GBE1: variants seen among roughly 807,000 people sequenced by gnomAD.
GBE1 encodes 1,4-alpha-glucan branching enzyme 1.
In GBE1, 70 loss-of-function variants were observed where a neutral mutation model predicts 88.8. The ratio of observed to expected loss-of-function variants is 0.79; its 90% confidence interval spans 0.65 to 0.96. The LOEUF is 0.96. GBE1 is among the 40% of genes least tolerant of loss of function. The pLI, the probability that GBE1 is intolerant of heterozygous loss-of-function variation, is 0.00. For synonymous variants in GBE1, 284 were observed against 300.1 expected, an observed-to-expected ratio of 0.95 and a Z score of 0.56; for missense variants, 872 against 871.0, an observed-to-expected ratio of 1.00 and a Z score of -0.01.
At chr3:81,546,578 A>G (rs1448028596) in intron 12 of GBE1, among the ~76,000 whole-genome samples, 1 of 151,446 alleles carries the variant, frequency 6.6e-6, no homozygotes, top group South Asian at 2.1e-4. Context: ...AAAACCCACC[A>G]AAACCAACAT....
At chr3:81,660,349 T>C (rs900252377) in intron 3 of GBE1, among the ~76,000 whole-genome samples, 1 of 152,178 alleles carries the variant, frequency 6.6e-6, no homozygotes, top group African/African-American at 2.4e-5. Flanking sequence ...CTTGTTCAGA[T>C]ATATCTAAAT....
chr3:81,579,929 C>G (rs555271033), intron 11 of GBE1, among the ~76,000 whole-genome samples: 7 of 152,266 alleles, frequency 4.6e-5, no homozygotes, highest in Admixed American at 1.3e-4. Flanking sequence ...GTAAACAAAT[C>G]AGCATGGCTG....
In GBE1 at chr3:81,490,343, G is replaced by A; in HGVS notation, c.*64C>T. The A allele has an allele frequency of 8.0e-7, 1 of 1,253,680 alleles. No individual in the cohort carries two copies. Among genetic ancestry groups the A allele is most frequent in the Non-Finnish European group, 1.2e-6 (1 of 851,362 alleles). 77.7% of individuals were successfully genotyped at this position (1,253,680 alleles called of 1,614,324 possible). ...GAAAAGCATACATGTTATAAGCTGT[G>A]TGACAGTGATAACAAGAAAACAAAA... On this transcript the variant is annotated 3_prime_UTR_variant, in exon 16 of 16. Coordinates refer to ENST00000429644, the MANE Select transcript of GBE1 (RefSeq NM_000158.4).
intron 10 of GBE1, 118 bp downstream of exon 10, chr3:81,585,974 G>T (rs1703798271): frequency 3.4e-6 from 2 of 587,400 alleles, no homozygotes; most frequent in South Asian, 2.6e-5. Context: ...ACTAATGAAA[G>T]AATTTAATAC....
chr3:81,593,968 G>A lies in GBE1; in HGVS notation c.1048C>T (p.Arg350Cys), dbSNP rs532375434. The A allele has an allele frequency of 2.8e-5, 45 of 1,585,994 alleles. No homozygotes were observed. In the South Asian group the frequency reaches 3.5e-4, roughly 12 times the overall value. The change falls in exon 8 of 16, where the codon CGC becomes TGC. Residue 350 changes from arginine to cysteine, a missense_variant. By Grantham distance (180) the Arg-to-Cys change is radical. Transcript: ENST00000429644. ...CCATCAAAACGAAATCCATCAAAGC[G>A]ATATTCTTCCAACCACCATCTTATG... ...SNIRWWLEEY[R>C]FDGFRFDGVT... is the part of the protein sequence containing the mutation.
chr3:81,700,169 A>C (rs1036695477), intron 2 of GBE1, among the ~76,000 whole-genome samples: 4 of 152,198 alleles, frequency 2.6e-5, no homozygotes, highest in African/African-American at 9.6e-5. Flanking sequence ...AGCCATCAAA[A>C]TGTTGGAGTT....
intron 1 of GBE1, among the ~76,000 whole-genome samples, chr3:81,721,830 T>G (rs746593430): frequency 5.9e-5 from 9 of 152,216 alleles, no homozygotes; most frequent in Non-Finnish European, 1.2e-4. Flanking sequence ...TACTGATTAT[T>G]GCATTTACTA....
At chr3:81,665,854 T>A (rs1209679019) in intron 3 of GBE1, among the ~76,000 whole-genome samples, 1 of 152,038 alleles carries the variant, frequency 6.6e-6, no homozygotes, top group East Asian at 1.9e-4. Context: ...TTCTAAGCAG[T>A]GGTAATGAAG....
intron 2 of GBE1, among the ~76,000 whole-genome samples, chr3:81,684,247 C>A (rs142586641): frequency 4.6e-3 from 698 of 152,300 alleles, no homozygotes; most frequent in Middle Eastern, 0.014. Context: ...CCCTCTATGA[C>A]ACGTATACAA....
At chr3:81,712,196 T>C (rs1705877513) in intron 1 of GBE1, among the ~76,000 whole-genome samples, 1 of 152,244 alleles carries the variant, frequency 6.6e-6, no homozygotes, top group Non-Finnish European at 1.5e-5. Flanking sequence ...ACTTTTACAC[T>C]GTTGGTGGGA....
intron 7 of GBE1, among the ~76,000 whole-genome samples, chr3:81,627,973 A>C (rs965244171): frequency 2.0e-5 from 3 of 151,886 alleles, no homozygotes; most frequent in Admixed American, 1.3e-4. Context: ...ACATATTTTT[A>C]ATATTTTAAA....
chr3:81,682,375 T>C (rs185721345), intron 2 of GBE1, among the ~76,000 whole-genome samples: 461 of 152,136 alleles, frequency 3.0e-3, no homozygotes, highest in Non-Finnish European at 4.3e-3. Flanking sequence ...GGCAGGAGGA[T>C]TGATTGAGCC....
At chr3:81,588,073 T>C (rs1194472546) in intron 9 of GBE1, among the ~76,000 whole-genome samples, 3 of 151,162 alleles carry the variant, frequency 2.0e-5, no homozygotes, top group South Asian at 2.1e-4. Context: ...TCACATACCA[T>C]AGGCTCTCTA....
intron 10 of GBE1, 30 bp from the exon 11 acceptor site, chr3:81,581,305 G>C (rs367994113): frequency 4.2e-6 from 5 of 1,183,150 alleles, no homozygotes. Context: ...ATAAGCTTCT[G>C]AGTAAAGCAT....
At chr3:81,643,116 T>C in intron 6 of GBE1, 126 bp from the exon 7 acceptor site, 1 of 658,328 alleles carries the variant, frequency 1.5e-6, no homozygotes, top group South Asian at 1.9e-5. Flanking sequence ...TGTGACATGA[T>C]ACCTGGATAC....
In GBE1 at chr3:81,586,221, C is replaced by T. The variant is rs536289147; in HGVS notation, c.1237-31G>A. 3 of 1,342,112 alleles carry T rather than the reference C, an allele frequency of 2.2e-6. No individual in the cohort carries two copies. The South Asian group carries it at 4.0e-5, about 18-fold the overall frequency. 83.1% of individuals were successfully genotyped at this position (1,342,112 alleles called of 1,614,324 possible). A position where few individuals can be genotyped will look rare whatever the true frequency, so the allele number is the denominator to read the frequency against. On this transcript the variant is annotated intron_variant, in intron 9 of 15. Coordinates refer to ENST00000429644, the MANE Select transcript of GBE1 (RefSeq NM_000158.4). ...ACAAAGAACGTCGGTTCATAATGAT[C>T]AAACTTTTAGTAAATATTCTGACTG...
chr3:81,553,204 C>A (rs1251146640), intron 12 of GBE1, among the ~76,000 whole-genome samples: 4 of 152,100 alleles, frequency 2.6e-5, no homozygotes, highest in Non-Finnish European at 4.4e-5. Flanking sequence ...TTTCTTTGTA[C>A]CTTGCATATG....
chr3:81,650,169 G>A, intron 3 of GBE1: 1 of 318,990 alleles, frequency 3.1e-6, no homozygotes, highest in Non-Finnish European at 5.8e-6. Context: ...TTCCACCACT[G>A]CAAACCAGCC....
chr3:81,497,279 G>A (rs1702512955), intron 15 of GBE1, among the ~76,000 whole-genome samples: 1 of 152,168 alleles, frequency 6.6e-6, no homozygotes, highest in South Asian at 2.1e-4. Flanking sequence ...CCAAAGCTGG[G>A]AGAAGGTATT....
Sources: allele counts gnomAD v4.1 joint callset (sites outside exome capture counted in the v4.1 genomes callset), GRCh38; gene constraint gnomAD v4.1.1; transcripts MANE v1.5; gene names NCBI Gene and HGNC (gene_info 2026-07-23, HGNC 2026-07-21).